The following PCDHA12 variants were observed in gnomAD, a reference collection of about 807,000 sequenced individuals.
PCDHA12 encodes protocadherin alpha-12.
In PCDHA12, 44 loss-of-function variants were observed where a neutral mutation model predicts 60.0. That is an observed-to-expected ratio of 0.73 (90% CI 0.58 to 0.94). The LOEUF (loss-of-function observed/expected upper bound fraction) is 0.94, where lower values mean the gene tolerates loss of function less well. Ranked by LOEUF, PCDHA12 falls within the 40% of genes least tolerant of loss-of-function variation. PCDHA12 has a pLI of 0.00. For synonymous variants in PCDHA12, 569 were observed against 553.0 expected (o/e 1.03, Z -0.40); for missense variants, 1,276 against 1,239.7 (o/e 1.03, Z -0.44).
chr5:141,007,694 C>T (rs1466885866), intron 3 of PCDHA12, among the ~76,000 whole-genome samples: 1 of 152,186 alleles, frequency 6.6e-6, no homozygotes, highest in Non-Finnish European at 1.5e-5. Context: ...CTTCCACCTC[C>T]CTCCTCTGCC....
intron 1 of PCDHA12, among the ~76,000 whole-genome samples, chr5:140,978,620 G>A (rs2096812690): frequency 6.6e-6 from 1 of 152,220 alleles, no homozygotes; most frequent in South Asian, 2.1e-4. Context: ...AGCAGTGAAA[G>A]CTTTTCCTTT....
chr5:140,945,659 G>C (rs2093824580), intron 1 of PCDHA12, among the ~76,000 whole-genome samples: 1 of 152,090 alleles, frequency 6.6e-6, no homozygotes, highest in Non-Finnish European at 1.5e-5. Context: ...GCAGAATACA[G>C]CTCCCAGAAA....
chr5:140,892,158 T>A (rs1442080527), intron 1 of PCDHA12, among the ~76,000 whole-genome samples: 2 of 152,242 alleles, frequency 1.3e-5, no homozygotes, highest in Non-Finnish European at 2.9e-5. Context: ...ATTTCTGATA[T>A]GTCCAGTAAC....
At position 140,982,360 on chromosome 5, in the gene PCDHA12, A is replaced by G. The variant is rs1016027722; in HGVS notation, c.2427-115A>G. 59 of 1,527,040 alleles carry G rather than the reference A, an allele frequency of 3.9e-5. No individual in the cohort carries two copies. In the Admixed American group the frequency reaches 8.5e-4, roughly 22 times the overall value. 94.6% of individuals were successfully genotyped at this position (1,527,040 alleles called of 1,614,324 possible). ...TAATTGCTTCAGTTCAAGCATGAGC[A>G]GAATGTGTTAGCTGCAGCCCTGGCT... On this transcript the variant is annotated intron_variant, in intron 2 of 3. Coordinates refer to ENST00000398631, the MANE Select transcript of PCDHA12 (RefSeq NM_018903.4).
intron 1 of PCDHA12, chr5:140,927,757 A>G (rs957906084): frequency 3.2e-5 from 51 of 1,614,028 alleles, no homozygotes; most frequent in Admixed American, 1.0e-4. Flanking sequence ...CGTGCACCCT[A>G]AAAGTGGGGA....
intron 1 of PCDHA12, among the ~76,000 whole-genome samples, chr5:140,961,312 A>G (rs2095603612): frequency 6.6e-6 from 1 of 152,156 alleles, no homozygotes; most frequent in Non-Finnish European, 1.5e-5. Context: ...ATGATTTACC[A>G]GGCTCTGTTT....
chr5:140,942,615 A>G (rs1310858123), intron 1 of PCDHA12, among the ~76,000 whole-genome samples: 1 of 101,274 alleles, frequency 9.9e-6, no homozygotes, highest in African/African-American at 4.7e-5. Context: ...ATATTTGCCA[A>G]TTGTAAAAAA....
Position 140,884,117 on chromosome 5 carries a change from G to A in PCDHA12, c.2367+6278G>A, listed in dbSNP as rs782383006. 1 of 1,613,298 alleles carries A rather than the reference G, an allele frequency of 6.2e-7. No homozygotes were observed. The highest frequency in any genetic ancestry group is 1.7e-5 in the Admixed American group (1 of 60,006). On this transcript the variant is annotated intron_variant, in intron 1 of 3. Transcript: ENST00000398631. ...GTATGAATTGCAGCTGGCGGCGGTC[G>A]GCGCGCGCATCCCGTTCCGCGTGGG...
At chr5:141,008,686 A>G (rs1419778370) in intron 3 of PCDHA12, among the ~76,000 whole-genome samples, 1 of 152,174 alleles carries the variant, frequency 6.6e-6, no homozygotes, top group Non-Finnish European at 1.5e-5. Flanking sequence ...TAGTTATTGC[A>G]TGTATTAAGT....
At chr5:140,942,681 A>G (rs1554215168) in intron 1 of PCDHA12, among the ~76,000 whole-genome samples, 1 of 152,206 alleles carries the variant, frequency 6.6e-6, no homozygotes, top group African/African-American at 2.4e-5. Flanking sequence ...AGTTTTAGGA[A>G]TAACTTTAAT....
At chr5:140,895,862 A>T (rs1199310977) in intron 1 of PCDHA12, among the ~76,000 whole-genome samples, 1 of 152,136 alleles carries the variant, frequency 6.6e-6, no homozygotes, top group Non-Finnish European at 1.5e-5. Context: ...CCCAGGCTGG[A>T]GTGCAATGGC....
chr5:140,991,227 A>G (rs1172819040), intron 3 of PCDHA12, among the ~76,000 whole-genome samples: 2 of 152,224 alleles, frequency 1.3e-5, no homozygotes, highest in African/African-American at 4.8e-5. Flanking sequence ...TCATTAATAA[A>G]TGCAGTGGTA....
chr5:140,897,726 A>T (rs149995278), intron 1 of PCDHA12, among the ~76,000 whole-genome samples: 22,632 of 152,088 alleles, frequency 0.15, 1,739 homozygotes, highest in Middle Eastern at 0.2. Flanking sequence ...GCTGGGTCAA[A>T]TAGTATTTCT....
intron 1 of PCDHA12, chr5:140,968,000 C>T: frequency 1.2e-6 from 2 of 1,614,234 alleles, no homozygotes; most frequent in Non-Finnish European, 8.5e-7. Context: ...GCCTTTCCGA[C>T]TGAATGGCTT....
intron 1 of PCDHA12, among the ~76,000 whole-genome samples, chr5:140,894,646 C>A (rs1481747888): frequency 2.0e-5 from 3 of 151,766 alleles, no homozygotes; most frequent in African/African-American, 7.3e-5. Flanking sequence ...ATTACTGAGT[C>A]TCTCTAATTC....
At chr5:140,904,858 CTGTT>C (rs1335177457) in intron 1 of PCDHA12, among the ~76,000 whole-genome samples, 1 of 152,072 alleles carries the variant, frequency 6.6e-6, no homozygotes, top group Non-Finnish European at 1.5e-5. Context: ...TGAGAATTGT[CTGTT>C]TATGTCCTTA....
At chr5:140,954,007 C>T (rs1277033706) in intron 1 of PCDHA12, among the ~76,000 whole-genome samples, 4 of 152,144 alleles carry the variant, frequency 2.6e-5, no homozygotes, top group Non-Finnish European at 4.4e-5. Flanking sequence ...CATCATTCAG[C>T]TCCCACACAT....
intron 1 of PCDHA12, among the ~76,000 whole-genome samples, chr5:140,944,398 G>C (rs1326523434): frequency 4.6e-5 from 7 of 152,104 alleles, no homozygotes; most frequent in African/African-American, 2.4e-5. Flanking sequence ...TGTTATCCAG[G>C]CTGGTCTCGA....
chr5:141,006,405 C>A (rs782532612), intron 3 of PCDHA12, among the ~76,000 whole-genome samples: 1 of 151,798 alleles, frequency 6.6e-6, no homozygotes, highest in Non-Finnish European at 1.5e-5. Context: ...AGTAGAGACG[C>A]GGTTTCACTG....
Sources: gnomAD v4.1 joint callset for allele counts (sites outside exome capture counted in the v4.1 genomes callset) on GRCh38, gnomAD v4.1.1 for gene constraint, MANE v1.5 for transcripts, NCBI Gene and HGNC (gene_info 2026-07-23, HGNC 2026-07-21) for gene names.